The following FRAS1 variants were observed in gnomAD, a reference collection of about 807,000 sequenced individuals.
The protein encoded by FRAS1 is extracellular matrix organizing protein FRAS1.
In FRAS1, 290 loss-of-function variants were observed where a neutral mutation model predicts 435.2. That is an observed-to-expected ratio of 0.67 (90% confidence interval 0.61 to 0.73). The LOEUF is 0.73. Ranked by LOEUF, FRAS1 falls within the 30% of genes least tolerant of loss-of-function variation. The probability of loss-of-function intolerance (pLI) is 0.00; values close to 1 mark genes in which losing one functional copy is unlikely to be tolerated. For missense variants in FRAS1, 4,860 were observed against 5,001.5 expected, an observed-to-expected ratio of 0.97 and a Z score of 0.85; for synonymous variants, 1,800 against 1,851.0, an observed-to-expected ratio of 0.97 and a Z score of 0.71.
In FRAS1 at chr4:78,451,961, G is replaced by C; in HGVS notation, c.6583+70G>C. On this transcript the variant is annotated intron_variant, in intron 46 of 73. Transcript: ENST00000512123. The stretch of plus-strand genomic sequence containing the variant: ...TCTGAGGTTATATAGTTTACACTTT[G>C]TTCACCTCGAGGCTCGAGTCCTTCC... The C allele has an allele frequency of 4.1e-6, 6 of 1,481,444 alleles. No homozygotes were observed. The South Asian group carries it at 7.8e-5, about 19-fold the overall frequency. The allele number at this position is 1,481,444 out of a possible 1,614,324, so 91.8% of individuals were successfully genotyped here. A position where few individuals can be genotyped will look rare whatever the true frequency, so the allele number is the denominator to read the frequency against.
At chr4:78,344,427 A>G (rs561805563) in intron 20 of FRAS1, among the ~76,000 whole-genome samples, 1 of 151,434 alleles carries the variant, frequency 6.6e-6, no homozygotes, top group African/African-American at 2.4e-5. Context: ...CCAAATGATA[A>G]AAGTCAGGAA....
chr4:78,415,301 C>T (rs556150918), intron 32 of FRAS1, among the ~76,000 whole-genome samples: 8 of 152,102 alleles, frequency 5.3e-5, no homozygotes, highest in East Asian at 1.9e-4. Context: ...CAAAATCTCA[C>T]GCATCACAAC....
chr4:78,180,961 G>T (rs922754303), intron 2 of FRAS1: 5 of 1,610,472 alleles, frequency 3.1e-6, no homozygotes, highest in Non-Finnish European at 4.2e-6. Context: ...CGCCCACCAC[G>T]CCCATGTCCA....
intron 2 of FRAS1, among the ~76,000 whole-genome samples, chr4:78,113,499 G>T (rs1371813313): frequency 2.6e-5 from 4 of 152,108 alleles, no homozygotes. Flanking sequence ...GTTGTTTCCT[G>T]ACTTTTTAAT....
At chr4:78,382,206 C>G (rs542220166) in intron 27 of FRAS1, among the ~76,000 whole-genome samples, 1 of 148,720 alleles carries the variant, frequency 6.7e-6, no homozygotes, top group East Asian at 2.0e-4. Context: ...AAATCACTTA[C>G]CCTTATTTGA....
chr4:78,240,227 T>A (rs988065795), intron 3 of FRAS1, among the ~76,000 whole-genome samples: 23 of 152,204 alleles, frequency 1.5e-4, no homozygotes, highest in African/African-American at 5.5e-4. Flanking sequence ...TCTGGCTTTT[T>A]TAGAAAAAAA....
Position 78,263,350 on chromosome 4 carries a change from A to G in FRAS1, c.604-1675A>G, listed in dbSNP as rs548795892. 3.3e-5 allele frequency among the ~76,000 whole-genome samples: 5 copies of G among 152,290 alleles called. No homozygotes were observed. In the East Asian group the frequency reaches 5.8e-4, roughly 18 times the overall value. On this transcript the variant is annotated intron_variant, in intron 6 of 73. Transcript: ENST00000512123. Reference sequence around the variant, plus strand: ...GAAAGATTCTGTTTTGATCAATACAATGTATAATTAGATGTTGCCAATAAG... The same window carrying G: ...GAAAGATTCTGTTTTGATCAATACAGTGTATAATTAGATGTTGCCAATAAG...
chr4:78,298,346 T>C (rs1728245934), intron 14 of FRAS1, among the ~76,000 whole-genome samples: 1 of 151,628 alleles, frequency 6.6e-6, no homozygotes, highest in African/African-American at 2.4e-5. Context: ...TGTATATAAA[T>C]ATAAATACAC....
intron 41 of FRAS1, among the ~76,000 whole-genome samples, chr4:78,442,266 G>A (rs1369387909): frequency 6.6e-6 from 1 of 152,250 alleles, no homozygotes; most frequent in Non-Finnish European, 1.5e-5. Flanking sequence ...GCTAGATAAA[G>A]TGGATGTAAG....
At chr4:78,155,094 T>G (rs1000406681) in intron 2 of FRAS1, among the ~76,000 whole-genome samples, 24 of 152,318 alleles carry the variant, frequency 1.6e-4, no homozygotes, top group African/African-American at 5.8e-4. Flanking sequence ...AAAACATTGA[T>G]TCAGATAGCT....
rs866098892 is a variant in FRAS1, at chr4:78,448,039, A to C, written c.6011-14A>C. The C allele has an allele frequency of 3.8e-6, 6 of 1,578,170 alleles. No individual in the cohort carries two copies. Among genetic ancestry groups the C allele is most frequent in the Middle Eastern group, 1.7e-4 (1 of 5,848 alleles). ...TTCTACCATTGTTTTGCTTTTCTTT[A>C]CCTCTTCCCTCAGGTCATGTACTCT... is the stretch of plus-strand genomic sequence containing the variant. On this transcript the variant is annotated splice_polypyrimidine_tract_variant and intron_variant, in intron 43 of 73. Coordinates refer to ENST00000512123, the MANE Select transcript of FRAS1 (RefSeq NM_025074.7).
At chr4:78,128,312 T>C (rs1394268272) in intron 2 of FRAS1, among the ~76,000 whole-genome samples, 2 of 152,166 alleles carry the variant, frequency 1.3e-5, no homozygotes, top group Non-Finnish European at 2.9e-5. Context: ...GTTCTAGATC[T>C]CTGAGGAATC....
chr4:78,136,376 C>T (rs1366703785), intron 2 of FRAS1, among the ~76,000 whole-genome samples: 19 of 152,038 alleles, frequency 1.2e-4, no homozygotes, highest in Non-Finnish European at 1.0e-4. Flanking sequence ...CATCAATGAC[C>T]GTGAAAGCAT....
intron 14 of FRAS1, among the ~76,000 whole-genome samples, chr4:78,290,751 CA>C (rs1242599401): frequency 7.2e-6 from 1 of 139,110 alleles, no homozygotes; most frequent in Non-Finnish European, 1.6e-5. Flanking sequence ...CACCTGGCCT[CA>C]TTTTTTTGTT....
At chr4:78,066,096 C>T in intron 2 of FRAS1, 80 bp downstream of exon 2, 2 of 941,328 alleles carry the variant, frequency 2.1e-6, no homozygotes, top group Non-Finnish European at 3.5e-6. Flanking sequence ...AGTGAGTTGA[C>T]CCTATCATTG....
intron 2 of FRAS1, among the ~76,000 whole-genome samples, chr4:78,234,610 A>G (rs1014988352): frequency 4.6e-5 from 7 of 152,204 alleles, no homozygotes; most frequent in African/African-American, 1.7e-4. Flanking sequence ...AATGTGCTAT[A>G]GCAATAAAAA....
At chr4:78,366,735 T>C (rs1394859484) in intron 22 of FRAS1, among the ~76,000 whole-genome samples, 9 of 152,190 alleles carry the variant, frequency 5.9e-5, no homozygotes, top group Admixed American at 5.9e-4. Flanking sequence ...CTGCACTTGC[T>C]GTGGGGGTCA....
intron 38 of FRAS1, among the ~76,000 whole-genome samples, chr4:78,436,243 G>A (rs546719429): frequency 6.6e-6 from 1 of 152,282 alleles, no homozygotes; most frequent in East Asian, 1.9e-4. Flanking sequence ...AACCCGGGTG[G>A]TCAATAAACA....
intron 6 of FRAS1, among the ~76,000 whole-genome samples, chr4:78,261,029 G>A (rs993497204): frequency 6.6e-6 from 1 of 151,902 alleles, no homozygotes; most frequent in Non-Finnish European, 1.5e-5. Context: ...AAATATCTAT[G>A]ACTCTTAGAT....
Sources: allele counts gnomAD v4.1 joint callset (sites outside exome capture counted in the v4.1 genomes callset), GRCh38; gene constraint gnomAD v4.1.1; transcripts MANE v1.5; gene names NCBI Gene and HGNC (gene_info 2026-07-23, HGNC 2026-07-21).